NTS: variants seen among roughly 807,000 people sequenced by gnomAD.
NTS encodes neurotensin/neuromedin N.
Under a neutral mutation model 19.5 loss-of-function variants are expected in NTS, and 20 were observed. The observed-to-expected ratio is 1.02, with a 90% confidence interval of 0.72 to 1.49. The LOEUF (loss-of-function observed/expected upper bound fraction) is 1.49. Among genes scored for constraint, NTS ranks in the 40% most tolerant of loss-of-function variants. NTS has a pLI of 0.00. For missense variants in NTS, 215 were observed against 193.1 expected, an observed-to-expected ratio of 1.11 and a Z score of -0.67; for synonymous variants, 71 against 63.3, an observed-to-expected ratio of 1.12 and a Z score of -0.58.
chr12:85,882,615 T>A lies in NTS; in HGVS notation c.*240T>A. 3 of 333,800 alleles carry A rather than the reference T, an allele frequency of 9.0e-6. No individual in the cohort carries two copies. The South Asian group carries it at 2.0e-4, about 22-fold the overall frequency. The allele number at this position is 333,800 out of a possible 1,614,324, so 20.7% of individuals were successfully genotyped here. On this transcript the variant is annotated 3_prime_UTR_variant, in exon 4 of 4. Transcript: ENST00000256010. ...GATATTAATTAAGTCACCTGTATAA[T>A]GTTTTGTAATTTTGCAAAACATATC...
Position 85,878,324 on chromosome 12 carries a change from G to T in NTS, c.136-21G>T, listed in dbSNP as rs527829573. On this transcript the variant is annotated intron_variant, in intron 2 of 3. Transcript: ENST00000256010. ...ATGTAACACAAGTTTTAATTGCAGGGGTTTTTTTAATATATTTCAGATTAG... is the reference window on the plus strand; with the variant it reads ...ATGTAACACAAGTTTTAATTGCAGGTGTTTTTTTAATATATTTCAGATTAG... 4.0e-6 allele frequency: 6 copies of T among 1,518,500 alleles called. No individual in the cohort carries two copies. In the East Asian group the frequency reaches 1.4e-4, roughly 35 times the overall value. 94.1% of individuals were successfully genotyped at this position (1,518,500 alleles called of 1,614,324 possible). A position where few individuals can be genotyped will look rare whatever the true frequency, so the allele number is the denominator to read the frequency against.
At chr12:85,875,525 A>G (rs1318368130) in intron 1 of NTS, among the ~76,000 whole-genome samples, 1 of 152,112 alleles carries the variant, frequency 6.6e-6, no homozygotes, top group Admixed American at 6.6e-5. Context: ...TATTTTAATC[A>G]TCAGAACATA....
Position 85,878,452 on chromosome 12 carries a change from G to A in NTS, c.243G>A (p.Glu81=). 6.2e-7 allele frequency: 1 copy of A among 1,613,798 alleles called. No individual in the cohort carries two copies. The highest frequency in any genetic ancestry group is 8.5e-7 in the Non-Finnish European group (1 of 1,179,812). ...PAEETGEVHE[E]ELVARRKLPT... ...AGGAAACAGGAGAAGTTCATGAAGAGGAGCTTGTTGCAAGAAGGAAACTTC... is the reference window on the plus strand; with the variant it reads ...AGGAAACAGGAGAAGTTCATGAAGAAGAGCTTGTTGCAAGAAGGAAACTTC... Residue 81 remains glutamate, a synonymous_variant, in exon 3 of 4, where the codon GAG becomes GAA. Transcript: ENST00000256010.
At chr12:85,880,965 A>G (rs1318902426) in intron 3 of NTS, among the ~76,000 whole-genome samples, 1 of 151,746 alleles carries the variant, frequency 6.6e-6, no homozygotes, top group Admixed American at 6.6e-5. Context: ...CAAACAAACA[A>G]AAAGTTTAAG....
chr12:85,880,845 G>C (rs1881486325), intron 3 of NTS, among the ~76,000 whole-genome samples: 1 of 152,096 alleles, frequency 6.6e-6, no homozygotes, highest in African/African-American at 2.4e-5. Flanking sequence ...CCAGCTACTG[G>C]GGAGGCTGAG....
At chr12:85,878,130 T>C (rs1199465425) in intron 2 of NTS, 2 of 420,268 alleles carry the variant, frequency 4.8e-6, no homozygotes, top group Non-Finnish European at 8.5e-6. Context: ...AGTGCATGTA[T>C]ATGTGAATAT....
Position 85,876,640 on chromosome 12 carries a change from A to T in NTS, c.74A>T (p.Asp25Val), listed in dbSNP as rs1211169833. 4.5e-6 allele frequency: 7 copies of T among 1,572,636 alleles called. No individual in the cohort carries two copies. The highest frequency in any genetic ancestry group is 6.1e-6 in the Non-Finnish European group (7 of 1,150,996). Reference protein sequence around the residue: ...LAFSSWSLCSDSEEEMKALEA... With the variant: ...LAFSSWSLCSVSEEEMKALEA... ...TAAACCTGATTTTGATTTTACTCAG[A>T]TTCAGAAGAGGAAATGAAAGCATTA... is the stretch of plus-strand genomic sequence containing the variant. The change falls in exon 2 of 4, where the codon GAT becomes GTT. Residue 25 changes from aspartate (D) to valine (V), a missense_variant and splice_region_variant. By Grantham distance (152) the Asp-to-Val change is radical. Transcript: ENST00000256010.
At position 85,877,775 on chromosome 12, in the gene NTS, T is replaced by C. The variant is rs1005997463; in HGVS notation, c.136-570T>C. Among the ~76,000 whole-genome samples the C allele has an allele frequency of 9.2e-5, 14 of 152,144 alleles. 1 individual carries two copies. Among genetic ancestry groups the C allele is most frequent in the Admixed American group, 8.5e-4 (13 of 15,250 alleles). On this transcript the variant is annotated intron_variant, in intron 2 of 3. Coordinates refer to ENST00000256010, the MANE Select transcript of NTS (RefSeq NM_006183.5). ...TTCAAAAATAGACAACTGAAGTTAA[T>C]AGTCCGTGTTAGAAAATGGGATAAG...
rs1170190883 is a variant in NTS, at chr12:85,878,356, A to T, written c.147A>T (p.Ala49=). The T allele has an allele frequency of 6.2e-7, 1 of 1,601,588 alleles. No homozygotes were observed. Among genetic ancestry groups the T allele is most frequent in the African/African-American group, 1.3e-5 (1 of 74,440 alleles). ...TNMHTSKISK[A]HVPSWKMTLL... ...TTAATATATTTCAGATTAGTAAAGC[A>T]CATGTTCCCTCTTGGAAGATGACTC... The change falls in exon 3 of 4, where the codon GCA becomes GCT. Residue 49 remains alanine (A), a synonymous_variant. Transcript: ENST00000256010.
intron 3 of NTS, among the ~76,000 whole-genome samples, chr12:85,879,748 AT>A (rs1288756017): frequency 2.2e-5 from 3 of 139,156 alleles, no homozygotes; most frequent in South Asian, 2.2e-4. Context: ...TATAAAATAT[AT>A]TTTTTGTATA....
intron 3 of NTS, among the ~76,000 whole-genome samples, chr12:85,879,092 T>G (rs1009642487): frequency 1.4e-5 from 2 of 147,380 alleles, no homozygotes; most frequent in African/African-American, 2.5e-5. Context: ...AAATATATTT[T>G]TATGTATATT....
In NTS at chr12:85,882,084, C is replaced by A. The variant is rs1881514730; in HGVS notation, c.361-139C>A. 1.6e-5 allele frequency: 10 copies of A among 638,262 alleles called. No homozygotes were observed. The South Asian group carries it at 2.2e-4, about 14-fold the overall frequency. The allele number at this position is 638,262 out of a possible 1,614,324, so 39.5% of individuals were successfully genotyped here. A position where few individuals can be genotyped will look rare whatever the true frequency, so the allele number is the denominator to read the frequency against. ...CGTCTCTCCTTTGAAAAAACAATTT[C>A]TTTGAACTTCATGTATCTCGTATCT... On this transcript the variant is annotated intron_variant, in intron 3 of 3. Transcript: ENST00000256010.
rs1427772499 is a variant in NTS, at chr12:85,876,673, A to T, written c.107A>T (p.Asp36Val). ...SEEEMKALEA[D>V]FLTNMHTSKI... is the part of the protein sequence containing the mutation. ...GAGGAAATGAAAGCATTAGAAGCAG[A>T]TTTCTTGACCAATATGCATACATCA... is the stretch of plus-strand genomic sequence containing the variant. Residue 36 changes from aspartate (D) to valine (V), a missense_variant, in exon 2 of 4, where the codon GAT becomes GTT. Physicochemically the swap from Asp to Val is radical, Grantham distance 152 (BLOSUM62 -3). Coordinates refer to ENST00000256010, the MANE Select transcript of NTS (RefSeq NM_006183.5). 8 of 1,595,224 alleles carry T rather than the reference A, an allele frequency of 5.0e-6. No homozygotes were observed. The highest frequency in any genetic ancestry group is 6.8e-6 in the Non-Finnish European group (8 of 1,168,900).
chr12:85,882,256 G>T lies in NTS; in HGVS notation c.394G>T (p.Asp132Tyr). The T allele has an allele frequency of 6.2e-7, 1 of 1,602,634 alleles. No homozygotes were observed. Among genetic ancestry groups the T allele is most frequent in the South Asian group, 1.1e-5 (1 of 88,542 alleles). ...IQEDILDTGN[D>Y]KNGKEEVIKR... ...GGAAGATATTCTTGATACTGGAAAT[G>T]ACAAAAATGGAAAGGAAGAAGTCAT... is the stretch of plus-strand genomic sequence containing the variant. The change falls in exon 4 of 4, where the codon GAC (aspartate) becomes TAC (tyrosine). Residue 132 changes from aspartate (D) to tyrosine (Y), a missense_variant. Physicochemically the swap from Asp to Tyr is radical, Grantham distance 160. Coordinates refer to ENST00000256010, the MANE Select transcript of NTS (RefSeq NM_006183.5).
At chr12:85,878,055 TTA>T in intron 2 of NTS, 1 of 206,438 alleles carries the variant, frequency 4.8e-6, no homozygotes. Flanking sequence ...TATATATCAT[TTA>T]TATATTTCTG....
rs1472923229 is a variant in NTS at position 85,874,356 on chromosome 12, C to T, written c.-48C>T. ...AGGAAGTGCTAGAGAGAGCCCCCTT[C>T]AGTGTGCTTCTGACTTTTACGGACT... is the stretch of plus-strand genomic sequence containing the variant. On this transcript the variant is annotated 5_prime_UTR_variant, in exon 1 of 4. Transcript: ENST00000256010. 7.4e-7 allele frequency: 1 copy of T among 1,346,166 alleles called. No individual in the cohort carries two copies. Among genetic ancestry groups the T allele is most frequent in the African/African-American group, 1.4e-5 (1 of 70,066 alleles). 83.4% of individuals were successfully genotyped at this position (1,346,166 alleles called of 1,614,324 possible).
intron 3 of NTS, 116 bp downstream of exon 3, chr12:85,878,685 A>C (rs1881402641): frequency 1.7e-6 from 1 of 579,076 alleles, no homozygotes; most frequent in Non-Finnish European, 2.7e-6. Flanking sequence ...AGTATTGAAG[A>C]AGAACAAGCC....
chr12:85,881,643 C>A (rs75701016), intron 3 of NTS, among the ~76,000 whole-genome samples: 1,570 of 152,208 alleles, frequency 0.01, 17 homozygotes, highest in Middle Eastern at 0.024. Flanking sequence ...TTAAACAGAG[C>A]TTTCCCATAT....
chr12:85,878,462 G>C lies in NTS; in HGVS notation c.253G>C (p.Ala85Pro), dbSNP rs1470132639. 6.2e-7 allele frequency: 1 copy of C among 1,613,702 alleles called. No homozygotes were observed. The highest frequency in any genetic ancestry group is 8.5e-7 in the Non-Finnish European group (1 of 1,179,852). Reference protein sequence around the residue: ...TGEVHEEELVARRKLPTALDG... With the variant: ...TGEVHEEELVPRRKLPTALDG... ...AGAAGTTCATGAAGAGGAGCTTGTT[G>C]CAAGAAGGAAACTTCCTACTGCTTT... Residue 85 changes from alanine to proline, a missense_variant, in exon 3 of 4, where the codon GCA (alanine) becomes CCA (proline). Physicochemically the swap from Ala to Pro is conservative, Grantham distance 27. Coordinates refer to ENST00000256010, the MANE Select transcript of NTS (RefSeq NM_006183.5).
Sources: gnomAD v4.1 joint callset for allele counts (sites outside exome capture counted in the v4.1 genomes callset) on GRCh38, gnomAD v4.1.1 for gene constraint, MANE v1.5 for transcripts, NCBI Gene and HGNC (gene_info 2026-07-23, HGNC 2026-07-21) for gene names.